Variants in SRRM3 observed in about 807,000 individuals in gnomAD.
SRRM3 encodes the protein serine/arginine repetitive matrix protein 3.
SRRM3 carries 27 observed loss-of-function variants against 66.2 expected under a neutral mutation model. That is an observed-to-expected ratio of 0.41 (90% CI 0.30 to 0.56). SRRM3 has a LOEUF of 0.56. SRRM3 is among the 20% of genes least tolerant of loss of function. The pLI is 0.32. For synonymous variants in SRRM3, 391 were observed against 414.9 expected (o/e 0.94, Z 0.70); for missense variants, 918 against 991.9 (o/e 0.93, Z 1.00).
intron 1 of SRRM3, 64 bp from the exon 2 acceptor site, chr7:76,234,964 G>T: frequency 1.1e-6 from 1 of 921,722 alleles, no homozygotes; most frequent in East Asian, 2.8e-5. Context: ...AACTCCAGCA[G>T]AGAGGAGCTT....
chr7:76,207,280 C>A (rs1005218393), intron 1 of SRRM3, among the ~76,000 whole-genome samples: 1 of 151,226 alleles, frequency 6.6e-6, no homozygotes, highest in Non-Finnish European at 1.5e-5. Flanking sequence ...CCAGCCTGGG[C>A]GACAGAGTGG....
At chr7:76,252,028 G>A (rs1166532333) in intron 3 of SRRM3, among the ~76,000 whole-genome samples, 17 of 152,072 alleles carry the variant, frequency 1.1e-4, no homozygotes, top group Non-Finnish European at 2.4e-4. Flanking sequence ...CCAAGATCAC[G>A]CAACCACACT....
chr7:76,247,272 G>C (rs1055134540), intron 2 of SRRM3, among the ~76,000 whole-genome samples: 12 of 152,034 alleles, frequency 7.9e-5, no homozygotes, highest in Non-Finnish European at 1.6e-4. Context: ...TCCATTTGAG[G>C]CCCAGATATC....
chr7:76,258,728 A>G (rs868942680), intron 3 of SRRM3, among the ~76,000 whole-genome samples: 89 of 139,382 alleles, frequency 6.4e-4, no homozygotes, highest in East Asian at 1.7e-3. Context: ...AAAAAAAAAA[A>G]AAAAAGAAAA....
rs1319934976 is a variant in SRRM3, at chr7:76,267,120, G to T, written c.831-138G>T. 1.6e-5 allele frequency: 13 copies of T among 810,768 alleles called. No individual in the cohort carries two copies. The South Asian group carries it at 2.4e-4, about 15-fold the overall frequency. 50.2% of individuals were successfully genotyped at this position (810,768 alleles called of 1,614,324 possible). On this transcript the variant is annotated intron_variant, in intron 10 of 14. Coordinates refer to ENST00000611745, the MANE Select transcript of SRRM3 (RefSeq NM_001110199.3). ...GGTCAAGCCCTCTCTAAGTGGAAAG[G>T]TTCCCAGCATGGTGAAAAGGCAGGT...
chr7:76,247,861 A>G (rs901010841), intron 2 of SRRM3, among the ~76,000 whole-genome samples: 3 of 151,946 alleles, frequency 2.0e-5, no homozygotes, highest in Non-Finnish European at 2.9e-5. Context: ...CATCCGGCTA[A>G]TTTTTGTATT....
At position 76,283,115 on chromosome 7, in the gene SRRM3, TG is replaced by T. The variant is rs782274170; in HGVS notation, c.1733+21del. The T allele has an allele frequency of 2.2e-5, 31 of 1,408,976 alleles. No homozygotes were observed. The highest frequency in any genetic ancestry group is 5.5e-5 in the Admixed American group (2 of 36,646). 87.3% of individuals were successfully genotyped at this position (1,408,976 alleles called of 1,614,324 possible). Reference sequence around the variant, plus strand: ...GCGCATCACCAGGTATGGAGGGTCTTGGGGGGGCCGGTGGCGCAGGGCTGGG... The same window carrying T: ...GCGCATCACCAGGTATGGAGGGTCTTGGGGGGCCGGTGGCGCAGGGCTGGG... On this transcript the variant is annotated intron_variant, in intron 14 of 14. Coordinates refer to ENST00000611745, the MANE Select transcript of SRRM3 (RefSeq NM_001110199.3).
chr7:76,256,456 G>A (rs1303063077), intron 3 of SRRM3, among the ~76,000 whole-genome samples: 4 of 151,342 alleles, frequency 2.6e-5, no homozygotes, highest in South Asian at 2.1e-4. Flanking sequence ...GCAGTGAGCC[G>A]AGATCACGCC....
chr7:76,244,649 C>T (rs1801392952), intron 2 of SRRM3, among the ~76,000 whole-genome samples: 1 of 152,112 alleles, frequency 6.6e-6, no homozygotes, highest in Non-Finnish European at 1.5e-5. Context: ...GATTGGTCCC[C>T]AAGCCATCTC....
intron 3 of SRRM3, 68 bp from the exon 4 acceptor site, chr7:76,259,838 C>T: frequency 6.3e-7 from 1 of 1,595,186 alleles, no homozygotes; most frequent in South Asian, 1.1e-5. Context: ...GTCAGGCCCC[C>T]TGCGCCGAGA....
At chr7:76,278,281 G>A (rs1276934592) in intron 11 of SRRM3, among the ~76,000 whole-genome samples, 2 of 152,038 alleles carry the variant, frequency 1.3e-5, no homozygotes, top group Non-Finnish European at 2.9e-5. Flanking sequence ...GAGGTCAGGG[G>A]CTCAAGACCA....
chr7:76,261,642 C>T lies in SRRM3; in HGVS notation c.674+61C>T, dbSNP rs374624824. 1.9e-4 allele frequency: 289 copies of T among 1,552,836 alleles called. 1 individual carries two copies. The African/African-American group carries it at 2.6e-3, about 14-fold the overall frequency. On this transcript the variant is annotated intron_variant, in intron 8 of 14. Transcript: ENST00000611745. ...CCCTTAAGGACCAAAGCCCAAAGGA[C>T]GCAATGATGGGAGGGGGTTTTGAGG...
rs182333144 is a variant in SRRM3, at chr7:76,269,073, A to G, written c.1008+1638A>G. ...CCCTGGAGTCCTGAGCAATGATCCC[A>G]CCTCCACCCCCTCCCCAATGCAGAC... On this transcript the variant is annotated intron_variant, in intron 11 of 14. Coordinates refer to ENST00000611745, the MANE Select transcript of SRRM3 (RefSeq NM_001110199.3). 2.0e-3 allele frequency: 301 copies of G among 151,938 alleles called. 4 individuals are homozygous for G. Among genetic ancestry groups the G allele is most frequent in the Non-Finnish European group, 1.6e-3 (107 of 68,016 alleles). The allele number at this position is 151,938 out of a possible 1,614,324, so 9.4% of individuals were successfully genotyped here.
chr7:76,266,609 TTA>T (rs1474849894), intron 10 of SRRM3, among the ~76,000 whole-genome samples: 1 of 127,444 alleles, frequency 7.8e-6, no homozygotes, highest in Non-Finnish European at 1.6e-5. Flanking sequence ...TTATATTTAA[TTA>T]TGTTATATAT....
intron 2 of SRRM3, among the ~76,000 whole-genome samples, chr7:76,240,391 C>A (rs554792281): frequency 6.6e-6 from 1 of 152,024 alleles, no homozygotes; most frequent in East Asian, 1.9e-4. Context: ...GAGGCCGAGG[C>A]GAGCAGATCA....
intron 11 of SRRM3, among the ~76,000 whole-genome samples, chr7:76,275,061 G>A (rs547564418): frequency 4.7e-5 from 7 of 150,154 alleles, no homozygotes; most frequent in South Asian, 2.1e-4. Flanking sequence ...AGCCTAGATC[G>A]TGCCACTGCA....
At chr7:76,244,481 G>A (rs1801387773) in intron 2 of SRRM3, among the ~76,000 whole-genome samples, 1 of 147,812 alleles carries the variant, frequency 6.8e-6, no homozygotes. Context: ...CCGAGATTGT[G>A]CCACTGCACT....
At chr7:76,221,380 T>TTTTTTTTTTTG (rs1800714689) in intron 1 of SRRM3, among the ~76,000 whole-genome samples, 1 of 132,678 alleles carries the variant, frequency 7.5e-6, no homozygotes, top group African/African-American at 2.9e-5. Flanking sequence ...TTTTTTTTTT[T>TTTTTTTTTTTG]GAGACGGAGT....
intron 1 of SRRM3, among the ~76,000 whole-genome samples, chr7:76,218,916 G>A (rs1234993898): frequency 2.0e-5 from 3 of 151,984 alleles, no homozygotes; most frequent in African/African-American, 7.3e-5. Flanking sequence ...GTGCAGCGGC[G>A]TGATCTTGGC....
Sources: gnomAD v4.1 joint callset for allele counts (sites outside exome capture counted in the v4.1 genomes callset) on GRCh38, gnomAD v4.1.1 for gene constraint, MANE v1.5 for transcripts, NCBI Gene and HGNC (gene_info 2026-07-23, HGNC 2026-07-21) for gene names.